DPYD: variants seen among roughly 807,000 people sequenced by gnomAD.
DPYD encodes dihydropyrimidine dehydrogenase [NADP(+)].
In DPYD, 109 loss-of-function variants were observed where a neutral mutation model predicts 116.2. The ratio of observed to expected loss-of-function variants is 0.94; its 90% CI spans 0.80 to 1.10. DPYD has a LOEUF of 1.10. Among genes scored for constraint, DPYD ranks in the 50% least tolerant of loss-of-function variants. The pLI is 0.00. For missense variants in DPYD, 1,302 were observed against 1,254.5 expected, an observed-to-expected ratio of 1.04 and a Z score of -0.57; for synonymous variants, 440 against 432.0, an observed-to-expected ratio of 1.02 and a Z score of -0.23.
intron 4 of DPYD, among the ~76,000 whole-genome samples, chr1:97,735,239 A>G (rs1663856693): frequency 6.6e-6 from 1 of 152,164 alleles, no homozygotes; most frequent in Non-Finnish European, 1.5e-5. Context: ...GAGTAAAAAA[A>G]TAATAATAAA....
chr1:97,216,138 C>G (rs533031091), intron 19 of DPYD, among the ~76,000 whole-genome samples: 44 of 152,258 alleles, frequency 2.9e-4, no homozygotes, highest in African/African-American at 1.1e-3. Flanking sequence ...TAATTTCCCA[C>G]AGTGAGATGA....
At chr1:97,147,894 A>G (rs1259223638) in intron 20 of DPYD, among the ~76,000 whole-genome samples, 2 of 152,194 alleles carry the variant, frequency 1.3e-5, no homozygotes, top group Non-Finnish European at 2.9e-5. Flanking sequence ...AACTTGGTAT[A>G]GCCTAAGTTG....
intron 3 of DPYD, among the ~76,000 whole-genome samples, chr1:97,821,154 A>T (rs998538430): frequency 6.6e-6 from 1 of 151,996 alleles, no homozygotes; most frequent in Non-Finnish European, 1.5e-5. Context: ...AACATGGTGA[A>T]GCCCCATCTC....
intron 4 of DPYD, among the ~76,000 whole-genome samples, chr1:97,724,293 TGGGGGGGGGG>T (rs71883710): frequency 1.9e-3 from 42 of 21,818 alleles, no homozygotes; most frequent in African/African-American, 5.5e-3. Context: ...AGGATGTATG[TGGGGGGGGGG>T]GGGGGTGTGT....
intron 14 of DPYD, among the ~76,000 whole-genome samples, chr1:97,403,227 C>A (rs953272382): frequency 5.9e-5 from 9 of 152,056 alleles, no homozygotes; most frequent in African/African-American, 2.2e-4. Flanking sequence ...TGTGCTTCAA[C>A]TTCTGAGATT....
chr1:97,528,521 T>A (rs1649323481), intron 12 of DPYD, among the ~76,000 whole-genome samples: 1 of 152,096 alleles, frequency 6.6e-6, no homozygotes, highest in African/African-American at 2.4e-5. Flanking sequence ...TCTTTCTCCA[T>A]CTAAACTCTA....
intron 20 of DPYD, among the ~76,000 whole-genome samples, chr1:97,173,229 T>C (rs535626159): frequency 7.8e-4 from 81 of 104,402 alleles, no homozygotes; most frequent in Non-Finnish European, 1.6e-3. Context: ...TACGTACATA[T>C]ATGCGCACAC....
At chr1:97,105,429 C>A (rs10218636) in intron 20 of DPYD, among the ~76,000 whole-genome samples, 4,959 of 152,134 alleles carry the variant, frequency 0.033, 115 homozygotes, top group Non-Finnish European at 0.054. Flanking sequence ...AATCCTCCTC[C>A]ATAGTCTTTA....
At chr1:97,850,041 C>G (rs371648773) in intron 2 of DPYD, among the ~76,000 whole-genome samples, 1 of 152,036 alleles carries the variant, frequency 6.6e-6, no homozygotes, top group Non-Finnish European at 1.5e-5. Flanking sequence ...TAAACAAACA[C>G]AAGCAATGGA....
intron 8 of DPYD, among the ~76,000 whole-genome samples, chr1:97,653,136 C>T (rs1227769778): frequency 6.6e-6 from 1 of 152,074 alleles, no homozygotes; most frequent in Non-Finnish European, 1.5e-5. Context: ...CCCTTAAACA[C>T]CTATGAGCAT....
intron 4 of DPYD, among the ~76,000 whole-genome samples, chr1:97,738,264 T>C (rs17369919): frequency 0.065 from 9,901 of 152,182 alleles, 384 homozygotes; most frequent in Middle Eastern, 0.1. Context: ...ATCTGAAATG[T>C]GTACTTCCAA....
Position 97,351,335 on chromosome 1 carries a change from G to A in DPYD, c.2058+22226C>T, listed in dbSNP as rs561129744. 1.5e-3 allele frequency among the ~76,000 whole-genome samples: 228 copies of A among 152,192 alleles called. 1 individual carries two copies. The highest frequency in any genetic ancestry group is 3.4e-3 in the Middle Eastern group (1 of 294). On this transcript the variant is annotated intron_variant, in intron 16 of 22. Transcript: ENST00000370192. ...ACAAGTTGGAGAGTTTACTCTGAAA[G>A]CCCAATTAGTAAAAATAAAATGAGA...
chr1:97,913,848 G>C (rs551451544), intron 1 of DPYD, among the ~76,000 whole-genome samples: 20 of 152,076 alleles, frequency 1.3e-4, no homozygotes, highest in Admixed American at 7.9e-4. Flanking sequence ...TAAAACATGG[G>C]GGGGAGGAGG....
chr1:97,663,835 G>A (rs1468505085), intron 8 of DPYD, among the ~76,000 whole-genome samples: 2 of 152,138 alleles, frequency 1.3e-5, no homozygotes, highest in Non-Finnish European at 2.9e-5. Flanking sequence ...CTGTATCTGG[G>A]TGCACTCCTA....
intron 20 of DPYD, among the ~76,000 whole-genome samples, chr1:97,110,722 T>C (rs1651529082): frequency 6.6e-6 from 1 of 152,146 alleles, no homozygotes; most frequent in Non-Finnish European, 1.5e-5. Context: ...TTTTCAGGAA[T>C]TTGTCCTCCA....
intron 20 of DPYD, among the ~76,000 whole-genome samples, chr1:97,160,731 A>C (rs894028616): frequency 6.6e-6 from 1 of 152,152 alleles, no homozygotes; most frequent in Admixed American, 6.6e-5. Flanking sequence ...TGTACAACCT[A>C]AATTGTTTAC....
chr1:97,756,067 C>A (rs1309423846), intron 3 of DPYD, among the ~76,000 whole-genome samples: 1 of 152,024 alleles, frequency 6.6e-6, no homozygotes, highest in Admixed American at 6.6e-5. Flanking sequence ...ATAGTAGCTG[C>A]TCAATAAATG....
intron 20 of DPYD, among the ~76,000 whole-genome samples, chr1:97,183,116 T>G (rs1657760086): frequency 8.0e-6 from 1 of 124,600 alleles, no homozygotes; most frequent in Non-Finnish European, 1.9e-5. Flanking sequence ...TCCCCAAGGT[T>G]ATAAAGATAT....
At position 97,090,031 on chromosome 1, in the gene DPYD, T is replaced by C. The variant is rs1436125800; in HGVS notation, c.2767-7561A>G. 2.0e-5 allele frequency among the ~76,000 whole-genome samples: 3 copies of C among 152,196 alleles called. No homozygotes were observed. In the East Asian group the frequency reaches 5.8e-4, roughly 29 times the overall value. On this transcript the variant is annotated intron_variant, in intron 21 of 22. Transcript: ENST00000370192. ...ATATTCTGTTATTAATACTGATTTATAAAACCCAGTTATTTTCCTCATTAT... is the reference window on the plus strand; with the variant it reads ...ATATTCTGTTATTAATACTGATTTACAAAACCCAGTTATTTTCCTCATTAT...
Sources: allele counts gnomAD v4.1 joint callset (sites outside exome capture counted in the v4.1 genomes callset), GRCh38; gene constraint gnomAD v4.1.1; transcripts MANE v1.5; gene names NCBI Gene and HGNC (gene_info 2026-07-23, HGNC 2026-07-21).